ADAMTS12: variants seen among roughly 807,000 people sequenced by gnomAD.
The protein encoded by ADAMTS12 is A disintegrin and metalloproteinase with thrombospondin motifs 12.
In ADAMTS12, 118 loss-of-function variants were observed where a neutral mutation model predicts 167.8. That is an observed-to-expected ratio of 0.70 (90% CI 0.61 to 0.82). ADAMTS12 has a LOEUF of 0.82. Among genes scored for constraint, ADAMTS12 ranks in the 40% least tolerant of loss-of-function variants. The pLI is 0.00. For missense variants in ADAMTS12, 1,916 were observed against 1,998.8 expected (o/e 0.96, Z 0.79); for synonymous variants, 704 against 716.9 (o/e 0.98, Z 0.29).
At chr5:33,799,280 T>G (rs1219856509) in intron 2 of ADAMTS12, among the ~76,000 whole-genome samples, 1 of 152,190 alleles carries the variant, frequency 6.6e-6, no homozygotes, top group Non-Finnish European at 1.5e-5. Flanking sequence ...GTTTACTACT[T>G]TAGCAAATAA....
chr5:33,694,473 A>C (rs1185044538), intron 3 of ADAMTS12, among the ~76,000 whole-genome samples: 2 of 151,338 alleles, frequency 1.3e-5, no homozygotes, highest in Admixed American at 1.3e-4. Context: ...AAGGAGAGAA[A>C]AATTACCCTT....
chr5:33,713,050 G>A (rs957932019), intron 3 of ADAMTS12, among the ~76,000 whole-genome samples: 7 of 152,156 alleles, frequency 4.6e-5, no homozygotes, highest in African/African-American at 1.7e-4. Context: ...CACTGGAGCT[G>A]TAACTGTGGA....
intron 22 of ADAMTS12, among the ~76,000 whole-genome samples, chr5:33,543,340 A>G (rs1561113251): frequency 6.6e-6 from 1 of 152,216 alleles, no homozygotes; most frequent in Non-Finnish European, 1.5e-5. Flanking sequence ...GAATAGCCCA[A>G]TAACAGACTC....
chr5:33,843,111 T>G (rs1692517272), intron 2 of ADAMTS12, among the ~76,000 whole-genome samples: 1 of 152,026 alleles, frequency 6.6e-6, no homozygotes, highest in South Asian at 2.1e-4. Flanking sequence ...CTAAAGCCCT[T>G]AAGTAGGACA....
At chr5:33,776,546 C>A (rs1300008594) in intron 2 of ADAMTS12, among the ~76,000 whole-genome samples, 1 of 151,942 alleles carries the variant, frequency 6.6e-6, no homozygotes, top group Non-Finnish European at 1.5e-5. Flanking sequence ...AAACAGCATA[C>A]CAAAACTTAT....
At chr5:33,870,082 C>A (rs1211370351) in intron 2 of ADAMTS12, among the ~76,000 whole-genome samples, 3 of 152,224 alleles carry the variant, frequency 2.0e-5, no homozygotes, top group Non-Finnish European at 1.5e-5. Flanking sequence ...GCCTGGCCCC[C>A]AGGCACTCAG....
rs113754447 is a variant in ADAMTS12 at position 33,747,403 on chromosome 5, G to A, written c.634+4001C>T. On this transcript the variant is annotated intron_variant, in intron 3 of 23. Transcript: ENST00000504830. The stretch of plus-strand genomic sequence containing the variant: ...TTCACCAGACTAACTACATGTAAAA[G>A]TGAGAATGCCAAGTACTAGATATAA... 9.4e-3 allele frequency among the ~76,000 whole-genome samples: 1,415 copies of A among 150,568 alleles called. 31 individuals are homozygous for A. Among genetic ancestry groups the A allele is most frequent in the African/African-American group, 0.032 (1,295 of 39,956 alleles).
intron 1 of ADAMTS12, among the ~76,000 whole-genome samples, chr5:33,890,038 C>T (rs1317472841): frequency 6.6e-6 from 1 of 152,096 alleles, no homozygotes; most frequent in Non-Finnish European, 1.5e-5. Context: ...GTTTTTTGAA[C>T]AGTGGATACT....
At chr5:33,629,364 T>C (rs926024550) in intron 13 of ADAMTS12, among the ~76,000 whole-genome samples, 1 of 130,614 alleles carries the variant, frequency 7.7e-6, no homozygotes, top group Non-Finnish European at 1.6e-5. Flanking sequence ...GAAAAACATA[T>C]TATAAATATT....
intron 20 of ADAMTS12, among the ~76,000 whole-genome samples, chr5:33,549,590 C>T (rs980015259): frequency 6.6e-6 from 1 of 152,246 alleles, no homozygotes; most frequent in African/African-American, 2.4e-5. Context: ...AGGAGTGTTT[C>T]TGCCACTCGC....
intron 22 of ADAMTS12, among the ~76,000 whole-genome samples, chr5:33,545,713 G>A (rs1412230211): frequency 1.3e-5 from 2 of 152,066 alleles, no homozygotes; most frequent in African/African-American, 2.4e-5. Context: ...CCTTTGTAGG[G>A]ACATGGATGA....
At chr5:33,735,010 C>T (rs1267725198) in intron 3 of ADAMTS12, among the ~76,000 whole-genome samples, 1 of 152,174 alleles carries the variant, frequency 6.6e-6, no homozygotes, top group East Asian at 1.9e-4. Flanking sequence ...TGATTTTTAA[C>T]CTAAGCCTAA....
chr5:33,627,366 G>A (rs1739707331), intron 13 of ADAMTS12, among the ~76,000 whole-genome samples: 1 of 130,944 alleles, frequency 7.6e-6, no homozygotes, highest in Non-Finnish European at 1.6e-5. Context: ...TGATGGTGGT[G>A]GTGTTGATGG....
chr5:33,731,845 T>A (rs1052113995), intron 3 of ADAMTS12, among the ~76,000 whole-genome samples: 3 of 152,162 alleles, frequency 2.0e-5, no homozygotes, highest in African/African-American at 7.2e-5. Flanking sequence ...GACAAGACTA[T>A]AAATTATTCC....
intron 3 of ADAMTS12, among the ~76,000 whole-genome samples, chr5:33,702,190 C>T (rs1328661226): frequency 2.0e-5 from 3 of 152,160 alleles, no homozygotes; most frequent in Non-Finnish European, 4.4e-5. Flanking sequence ...TTCCTAGACA[C>T]TTTTACAAAA....
At chr5:33,723,848 A>T (rs1743886526) in intron 3 of ADAMTS12, among the ~76,000 whole-genome samples, 1 of 152,002 alleles carries the variant, frequency 6.6e-6, no homozygotes. Flanking sequence ...CTTCCCTTCC[A>T]CTCTATTGCC....
Position 33,534,867 on chromosome 5 carries a change from T to C in ADAMTS12, c.4572A>G (p.Lys1524=). The C allele has an allele frequency of 1.2e-6, 2 of 1,614,034 alleles. No individual in the cohort carries two copies. The highest frequency in any genetic ancestry group is 2.7e-5 in the African/African-American group (2 of 75,058). Residue 1524 remains lysine (K), a synonymous_variant, in exon 23 of 24, where the codon AAA becomes AAG. Transcript: ENST00000504830. The part of the protein sequence containing the change: ...CDHKPRPPEF[K]KCNQQACKKS... ...TCTTGCAGGCCTGCTGGTTGCATTT[T>C]TTGAATTCTGGAGGTCTGGGTTTGT...
At chr5:33,617,630 T>C (rs138367936) in intron 14 of ADAMTS12, among the ~76,000 whole-genome samples, 3 of 152,100 alleles carry the variant, frequency 2.0e-5, no homozygotes, top group African/African-American at 7.2e-5. Context: ...AGGCTAATGG[T>C]TTTAAAAAAT....
chr5:33,783,396 T>G (rs1746212297), intron 2 of ADAMTS12, among the ~76,000 whole-genome samples: 1 of 150,992 alleles, frequency 6.6e-6, no homozygotes, highest in African/African-American at 2.4e-5. Flanking sequence ...AAAAATTAAT[T>G]AAGTACAAAA....
Sources: allele counts gnomAD v4.1 joint callset (sites outside exome capture counted in the v4.1 genomes callset), GRCh38; gene constraint gnomAD v4.1.1; transcripts MANE v1.5; gene names NCBI Gene and HGNC (gene_info 2026-07-23, HGNC 2026-07-21).